Variants in CWC27 observed in about 807,000 individuals in gnomAD.
CWC27 encodes the protein CWC27 spliceosome associated cyclophilin.
A neutral mutation model predicts 63.6 loss-of-function variants in CWC27; 47 were observed. That is an observed-to-expected ratio of 0.74 (90% CI 0.58 to 0.94). CWC27 has a LOEUF of 0.94. Ranked by LOEUF, CWC27 falls within the 40% of genes least tolerant of loss-of-function variation. The pLI, the probability that CWC27 is intolerant of heterozygous loss-of-function variation, is 0.00. For missense variants in CWC27, 495 were observed against 554.3 expected (o/e 0.89, Z 1.07); for synonymous variants, 175 against 179.8 (o/e 0.97, Z 0.22).
intron 10 of CWC27, among the ~76,000 whole-genome samples, chr5:64,881,191 A>T (rs561035552): frequency 2.0e-5 from 3 of 152,184 alleles, no homozygotes; most frequent in African/African-American, 7.2e-5. Context: ...ACAACATTGT[A>T]AATCTTCAAT....
At chr5:64,918,796 G>T (rs1354895461) in intron 11 of CWC27, among the ~76,000 whole-genome samples, 1 of 151,834 alleles carries the variant, frequency 6.6e-6, no homozygotes, top group Non-Finnish European at 1.5e-5. Context: ...TTCTTAAATG[G>T]TTGTATGTTA....
chr5:64,853,311 A>G (rs1383270764), intron 10 of CWC27, among the ~76,000 whole-genome samples: 1 of 152,206 alleles, frequency 6.6e-6, no homozygotes, highest in African/African-American at 2.4e-5. Flanking sequence ...CTGAGGGAGC[A>G]TTGCAAAACT....
At chr5:64,899,942 T>C (rs980734121) in intron 11 of CWC27, among the ~76,000 whole-genome samples, 4 of 152,242 alleles carry the variant, frequency 2.6e-5, no homozygotes, top group Non-Finnish European at 5.9e-5. Flanking sequence ...CTGACTTCTT[T>C]CAATCAACAT....
intron 11 of CWC27, among the ~76,000 whole-genome samples, chr5:64,966,188 C>CA (rs1305203233): frequency 0.014 from 1,937 of 143,182 alleles, 42 homozygotes; most frequent in African/African-American, 0.045. Flanking sequence ...CATAATCTAG[C>CA]AAAAAAAAAA....
intron 13 of CWC27, among the ~76,000 whole-genome samples, chr5:64,987,892 G>A (rs897580257): frequency 1.3e-5 from 2 of 152,128 alleles, no homozygotes; most frequent in African/African-American, 4.8e-5. Context: ...TGATTTGCAT[G>A]AGTAGGTATA....
chr5:64,908,889 G>A (rs748156794), intron 11 of CWC27, among the ~76,000 whole-genome samples: 7 of 152,104 alleles, frequency 4.6e-5, no homozygotes, highest in Non-Finnish European at 1.0e-4. Flanking sequence ...TTACATTTAA[G>A]GTTAATATTG....
intron 11 of CWC27, among the ~76,000 whole-genome samples, chr5:64,886,976 T>G (rs1747085435): frequency 6.6e-6 from 1 of 152,116 alleles, no homozygotes. Flanking sequence ...GACTGTTTCT[T>G]ATAATTAAAA....
intron 10 of CWC27, among the ~76,000 whole-genome samples, chr5:64,850,239 C>T (rs6875744): frequency 0.38 from 53,412 of 142,202 alleles, 11,958 homozygotes; most frequent in African/African-American, 0.57. Flanking sequence ...AAAAAAGACC[C>T]GTCAACCAAT....
At chr5:64,849,816 C>G (rs561206977) in intron 10 of CWC27, among the ~76,000 whole-genome samples, 1 of 152,074 alleles carries the variant, frequency 6.6e-6, no homozygotes, top group Admixed American at 6.5e-5. Context: ...CTCTCTCTCT[C>G]CTGTCACCTG....
At chr5:64,940,964 A>G (rs1164523757) in intron 11 of CWC27, among the ~76,000 whole-genome samples, 1 of 148,394 alleles carries the variant, frequency 6.7e-6, no homozygotes, top group Non-Finnish European at 1.5e-5. Context: ...CTCCTGCCTC[A>G]GCCTCCCAAG....
At chr5:64,927,313 A>G (rs1030495831) in intron 11 of CWC27, among the ~76,000 whole-genome samples, 5 of 152,226 alleles carry the variant, frequency 3.3e-5, no homozygotes, top group Non-Finnish European at 5.9e-5. Context: ...AAATTCCACT[A>G]TAGATGGTGA....
chr5:64,872,687 A>G (rs1318275093), intron 10 of CWC27, among the ~76,000 whole-genome samples: 2 of 152,212 alleles, frequency 1.3e-5, no homozygotes, highest in Admixed American at 6.5e-5. Flanking sequence ...AGGAAATGGG[A>G]AATCTTAAAG....
intron 11 of CWC27, among the ~76,000 whole-genome samples, chr5:64,945,274 G>A (rs1748569738): frequency 6.6e-6 from 1 of 151,982 alleles, no homozygotes; most frequent in Admixed American, 6.6e-5. Flanking sequence ...TTATTAATTT[G>A]TTGTTTGTTT....
intron 11 of CWC27, among the ~76,000 whole-genome samples, chr5:64,970,364 C>A (rs921524991): frequency 2.6e-5 from 4 of 152,082 alleles, no homozygotes; most frequent in East Asian, 1.9e-4. Context: ...AGGCGCCCGC[C>A]ACCACGCCCG....
chr5:65,015,601 C>A (rs777558424), intron 13 of CWC27, among the ~76,000 whole-genome samples: 1 of 152,130 alleles, frequency 6.6e-6, no homozygotes, highest in Non-Finnish European at 1.5e-5. Context: ...CATTCTTCTG[C>A]ACTTACTTCT....
chr5:64,941,053 CCAGGCTGGT>C (rs918008245), intron 11 of CWC27, among the ~76,000 whole-genome samples: 1 of 151,820 alleles, frequency 6.6e-6, no homozygotes, highest in Admixed American at 6.6e-5. Context: ...ACCATGTTGG[CCAGGCTGGT>C]CTTGAACTCT....
At chr5:64,977,700 A>T (rs564120939) in intron 13 of CWC27, among the ~76,000 whole-genome samples, 1 of 152,168 alleles carries the variant, frequency 6.6e-6, no homozygotes. Context: ...CTAGCAACTC[A>T]TACATAGTTA....
chr5:64,914,236 T>G (rs557553144), intron 11 of CWC27, among the ~76,000 whole-genome samples: 175 of 152,266 alleles, frequency 1.1e-3, no homozygotes, highest in Non-Finnish European at 1.3e-3. Context: ...GAGAATGTCA[T>G]TATGACCTTC....
chr5:64,957,906 G>A (rs184812307), intron 11 of CWC27, among the ~76,000 whole-genome samples: 1 of 152,226 alleles, frequency 6.6e-6, no homozygotes, highest in East Asian at 1.9e-4. Context: ...TGTTAGGTAA[G>A]ATTACTTAAA....
Sources: allele counts gnomAD v4.1 joint callset (sites outside exome capture counted in the v4.1 genomes callset), GRCh38; gene constraint gnomAD v4.1.1; transcripts MANE v1.5; gene names NCBI Gene and HGNC (gene_info 2026-07-23, HGNC 2026-07-21).